Variants in DEFB112 observed in about 807,000 individuals in gnomAD.
DEFB112 encodes the protein defensin beta 112.
DEFB112 carries 2 observed loss-of-function variants against 1.1 expected under a neutral mutation model. The ratio of observed to expected loss-of-function variants is 1.85; its 90% confidence interval spans 0.76 to 5.83. The LOEUF is 5.83. DEFB112 is among the 30% of genes most tolerant of loss of function. DEFB112 has a pLI of 0.05. For missense variants in DEFB112, 120 were observed against 94.4 expected, an observed-to-expected ratio of 1.27 and a Z score of -1.12; for synonymous variants, 40 against 31.2, an observed-to-expected ratio of 1.28 and a Z score of -0.93.
At chr6:50,045,791 A>G (rs1462277876) in intron 1 of DEFB112, among the ~76,000 whole-genome samples, 1 of 152,256 alleles carries the variant, frequency 6.6e-6, no homozygotes, top group East Asian at 1.9e-4. Flanking sequence ...GGCAACTGTA[A>G]CATAATGGTA....
chr6:50,048,664 A>T, intron 1 of DEFB112: 1 of 1,586,174 alleles, frequency 6.3e-7, no homozygotes, highest in Non-Finnish European at 8.7e-7. Context: ...GAGTGCTAAG[A>T]GGTTGTTAAG....
At chr6:50,048,452 G>T in intron 1 of DEFB112, 1 of 1,138,898 alleles carries the variant, frequency 8.8e-7, no homozygotes, top group Non-Finnish European at 1.3e-6. Flanking sequence ...CTGAGGTAGA[G>T]AATATACTCA....
chr6:50,047,086 T>C (rs901680123), intron 1 of DEFB112, among the ~76,000 whole-genome samples: 2 of 152,184 alleles, frequency 1.3e-5, no homozygotes, highest in African/African-American at 2.4e-5. Context: ...GGGGCCAGCC[T>C]AGCTCTAGAG....
At chr6:50,044,182 T>A (rs1406537521) in intron 1 of DEFB112, among the ~76,000 whole-genome samples, 1 of 152,118 alleles carries the variant, frequency 6.6e-6, no homozygotes, top group Non-Finnish European at 1.5e-5. Flanking sequence ...CTCTTCCTTT[T>A]TAAGATTCCA....
rs1303592832 is a variant in DEFB112, at chr6:50,042,338, C to T, written c.*1237G>A. 6.6e-6 allele frequency among the ~76,000 whole-genome samples: 1 copy of T among 151,862 alleles called. No individual in the cohort carries two copies. Among genetic ancestry groups the T allele is most frequent in the African/African-American group, 2.4e-5 (1 of 41,376 alleles). ...CACCCAGATGCTTTTCCCTATGTGCCCAGGTACTGTGTACAGGATATGTTT... is the reference window on the plus strand; with the variant it reads ...CACCCAGATGCTTTTCCCTATGTGCTCAGGTACTGTGTACAGGATATGTTT... On this transcript the variant is annotated 3_prime_UTR_variant, in exon 2 of 2. Transcript: ENST00000651554.
intron 1 of DEFB112, among the ~76,000 whole-genome samples, chr6:50,046,274 T>A (rs909029465): frequency 1.4e-5 from 2 of 142,778 alleles, no homozygotes; most frequent in South Asian, 2.3e-4. Context: ...TTAGAGAGAA[T>A]CATACAGTTT....
At chr6:50,046,939 C>T (rs1236860500) in intron 1 of DEFB112, among the ~76,000 whole-genome samples, 2 of 152,266 alleles carry the variant, frequency 1.3e-5, no homozygotes, top group Middle Eastern at 3.4e-3. Flanking sequence ...GAGCCTGTAT[C>T]CACCGAGGCT....
At chr6:50,043,918 G>A (rs1364542126) in intron 1 of DEFB112, 117 bp from the exon 2 acceptor site, 2 of 888,986 alleles carry the variant, frequency 2.2e-6, no homozygotes, top group Non-Finnish European at 3.4e-6. Context: ...ATGGATATTT[G>A]CTTTAATTTT....
chr6:50,045,556 C>T (rs1453998005), intron 1 of DEFB112, among the ~76,000 whole-genome samples: 1 of 152,054 alleles, frequency 6.6e-6, no homozygotes, highest in Non-Finnish European at 1.5e-5. Context: ...TATATATACA[C>T]ACATACAAAT....
chr6:50,044,482 C>G (rs569882688), intron 1 of DEFB112, among the ~76,000 whole-genome samples: 25 of 152,140 alleles, frequency 1.6e-4, no homozygotes, highest in African/African-American at 5.8e-4. Context: ...AAAAATGTCT[C>G]TAATCTCACT....
rs1243116919 is a variant in DEFB112, at chr6:50,042,485, C to T, written c.*1090G>A. On this transcript the variant is annotated 3_prime_UTR_variant, in exon 2 of 2. Transcript: ENST00000651554. ...CCACATAATTTTAAGTGACTAGCTCCCTTTTCTTCATGTGGCCTTAGTCCA... is the reference window on the plus strand; with the variant it reads ...CCACATAATTTTAAGTGACTAGCTCTCTTTTCTTCATGTGGCCTTAGTCCA... Among the ~76,000 whole-genome samples, 1 of 152,012 alleles carries T rather than the reference C, an allele frequency of 6.6e-6. No homozygotes were observed. Among genetic ancestry groups the T allele is most frequent in the African/African-American group, 2.4e-5 (1 of 41,416 alleles).
At chr6:50,046,611 C>T (rs75073775) in intron 1 of DEFB112, among the ~76,000 whole-genome samples, 2,074 of 152,176 alleles carry the variant, frequency 0.014, 31 homozygotes, top group East Asian at 0.066. Context: ...TTTATTCACT[C>T]TTTCAAGTGG....
At chr6:50,049,546 T>C (rs1180003298) in intron 1 of DEFB112, among the ~76,000 whole-genome samples, 1 of 152,088 alleles carries the variant, frequency 6.6e-6, no homozygotes, top group African/African-American at 2.4e-5. Flanking sequence ...GAAATCAACG[T>C]AGCATTATTT....
chr6:50,048,791 C>A, intron 1 of DEFB112: 1 of 589,284 alleles, frequency 1.7e-6, no homozygotes, highest in Non-Finnish European at 2.9e-6. Flanking sequence ...AAAGGTTTTA[C>A]AAAATGATAA....
intron 1 of DEFB112, chr6:50,048,508 A>G (rs774613188): frequency 6.4e-7 from 1 of 1,559,454 alleles, no homozygotes; most frequent in Admixed American, 1.7e-5. Flanking sequence ...TAAAATGTGC[A>G]AGACACAATT....
chr6:50,046,221 C>CTGTGTGTG (rs3057286), intron 1 of DEFB112, among the ~76,000 whole-genome samples: 5,467 of 141,160 alleles, frequency 0.039, 127 homozygotes, highest in East Asian at 0.052. Context: ...TTGAGGAGCA[C>CTGTGTGTG]TGTGTGTGTG....
rs148512594 is a variant in DEFB112, at chr6:50,043,536, C to G, written c.*39G>C. ...ATGAAGTGATGAAATAATGAGAGGACTTCATTCAGATGTATCATCTTCTTG... is the reference window on the plus strand; with the variant it reads ...ATGAAGTGATGAAATAATGAGAGGAGTTCATTCAGATGTATCATCTTCTTG... On this transcript the variant is annotated 3_prime_UTR_variant, in exon 2 of 2. Coordinates refer to ENST00000651554, the MANE Select transcript of DEFB112 (RefSeq NM_001369057.2). 3.1e-3 allele frequency: 4,740 copies of G among 1,516,784 alleles called. 13 individuals carry two copies. The highest frequency in any genetic ancestry group is 4.1e-3 in the Non-Finnish European group (4,481 of 1,096,488). The allele number at this position is 1,516,784 out of a possible 1,614,324, so 94.0% of individuals were successfully genotyped here. A position where few individuals can be genotyped will look rare whatever the true frequency, so the allele number is the denominator to read the frequency against.
At chr6:50,048,510 G>A (rs746243628) in intron 1 of DEFB112, 2 of 1,561,284 alleles carry the variant, frequency 1.3e-6, no homozygotes, top group South Asian at 2.2e-5. Context: ...AAATGTGCAA[G>A]ACACAATTCT....
intron 1 of DEFB112, among the ~76,000 whole-genome samples, chr6:50,047,835 G>A (rs1467015999): frequency 1.3e-5 from 2 of 152,100 alleles, no homozygotes; most frequent in Non-Finnish European, 2.9e-5. Context: ...ATTTTGAACA[G>A]TAGTGATTGA....
Sources: allele counts gnomAD v4.1 joint callset (sites outside exome capture counted in the v4.1 genomes callset), GRCh38; gene constraint gnomAD v4.1.1; transcripts MANE v1.5; gene names NCBI Gene and HGNC (gene_info 2026-07-23, HGNC 2026-07-21).